Variants in SHISA9 observed in about 807,000 individuals in gnomAD.
The protein encoded by SHISA9 is protein shisa-9.
SHISA9 carries 13 observed loss-of-function variants against 38.0 expected under a neutral mutation model. The observed-to-expected ratio is 0.34, with a 90% CI of 0.22 to 0.54. SHISA9 has a LOEUF of 0.54. SHISA9 is among the 20% of genes least tolerant of loss of function. The pLI is 0.91. For missense variants in SHISA9, 538 were observed against 575.8 expected, an observed-to-expected ratio of 0.93 and a Z score of 0.67; for synonymous variants, 275 against 242.0, an observed-to-expected ratio of 1.14 and a Z score of -1.27.
At chr16:13,427,582 G>A in the SHISA9 span, among the ~76,000 whole-genome samples, 3 of 152,126 alleles carry the variant, frequency 2.0e-5, no homozygotes, top group East Asian at 5.8e-4. Flanking sequence ...AAGACAGGAA[G>A]GACATTCCAG....
the SHISA9 span, among the ~76,000 whole-genome samples, chr16:13,330,406 A>G: frequency 6.6e-6 from 1 of 152,238 alleles, no homozygotes; most frequent in Non-Finnish European, 1.5e-5. Flanking sequence ...AAAAATAGGT[A>G]CTATAAAAGG....
the SHISA9 span, among the ~76,000 whole-genome samples, chr16:13,469,316 GAGAGAGAA>G: frequency 3.5e-4 from 19 of 53,694 alleles, 1 homozygote; most frequent in African/African-American, 1.6e-3. Flanking sequence ...GAGAGAGAGA[GAGAGAGAA>G]AGAAAGAAAG....
chr16:13,525,434 T>C, the SHISA9 span, among the ~76,000 whole-genome samples: 1 of 152,134 alleles, frequency 6.6e-6, no homozygotes, highest in Non-Finnish European at 1.5e-5. Flanking sequence ...ACTGGATGAG[T>C]TATTTAAAAT....
chr16:13,152,279 T>A (rs958078785), intron 2 of SHISA9, among the ~76,000 whole-genome samples: 3 of 152,152 alleles, frequency 2.0e-5, no homozygotes, highest in Non-Finnish European at 4.4e-5. Flanking sequence ...TCCATACAAG[T>A]CAGGAGAGGT....
At chr16:13,020,541 G>A (rs918022658) in intron 2 of SHISA9, among the ~76,000 whole-genome samples, 6 of 152,046 alleles carry the variant, frequency 3.9e-5, no homozygotes, top group African/African-American at 9.7e-5. Context: ...TATTGGATTC[G>A]TACCTCATTT....
chr16:13,415,116 C>T, the SHISA9 span, among the ~76,000 whole-genome samples: 2 of 152,182 alleles, frequency 1.3e-5, no homozygotes, highest in African/African-American at 4.8e-5. Flanking sequence ...CGATTTACAC[C>T]TCCACTTGTT....
At position 13,238,317 on chromosome 16, in the gene SHISA9, C is replaced by T. The variant is rs778803127; in HGVS notation, c.*2908C>T. Reference sequence around the variant, plus strand: ...GCTGTAGCTATGTACTGCCTATGATCATTGTGCATACACTAGGGGTGCATA... The same window carrying T: ...GCTGTAGCTATGTACTGCCTATGATTATTGTGCATACACTAGGGGTGCATA... On this transcript the variant is annotated 3_prime_UTR_variant, in exon 5 of 5. Transcript: ENST00000558583. 6.6e-6 allele frequency: 1 copy of T among 152,200 alleles called. No individual in the cohort carries two copies. The highest frequency in any genetic ancestry group is 2.1e-4 in the South Asian group (1 of 4,830). 9.4% of individuals were successfully genotyped at this position (152,200 alleles called of 1,614,324 possible). A position where few individuals can be genotyped will look rare whatever the true frequency, so the allele number is the denominator to read the frequency against.
At chr16:13,227,192 G>T (rs1471447898) in intron 4 of SHISA9, among the ~76,000 whole-genome samples, 1 of 152,184 alleles carries the variant, frequency 6.6e-6, no homozygotes, top group East Asian at 1.9e-4. Context: ...CCAGCATATG[G>T]TGGGTACCTG....
intron 3 of SHISA9, among the ~76,000 whole-genome samples, chr16:13,212,162 C>G (rs1217280832): frequency 6.6e-6 from 1 of 152,142 alleles, no homozygotes; most frequent in Non-Finnish European, 1.5e-5. Flanking sequence ...GTTCCCTGCG[C>G]CTTCACTCAG....
At chr16:13,383,950 C>T in the SHISA9 span, among the ~76,000 whole-genome samples, 50 of 152,180 alleles carry the variant, frequency 3.3e-4, no homozygotes, top group African/African-American at 9.2e-4. Flanking sequence ...CCACCGTGCC[C>T]GGCCAACACC....
the SHISA9 span, among the ~76,000 whole-genome samples, chr16:13,559,181 G>C: frequency 2.6e-5 from 4 of 152,158 alleles, no homozygotes; most frequent in East Asian, 7.7e-4. Flanking sequence ...ACCAGACACA[G>C]TATCGAGTTT....
At chr16:13,356,510 C>T in the SHISA9 span, among the ~76,000 whole-genome samples, 10 of 151,960 alleles carry the variant, frequency 6.6e-5, no homozygotes, top group East Asian at 1.9e-4. Context: ...AGTCACGGAA[C>T]GAAACGGTAA....
chr16:13,398,114 CT>C, the SHISA9 span, among the ~76,000 whole-genome samples: 1 of 152,168 alleles, frequency 6.6e-6, no homozygotes, highest in Admixed American at 6.5e-5. Context: ...AGTCCAGCCG[CT>C]TGTGTCTCTG....
At chr16:13,490,281 G>A in the SHISA9 span, among the ~76,000 whole-genome samples, 1 of 152,148 alleles carries the variant, frequency 6.6e-6, no homozygotes, top group Non-Finnish European at 1.5e-5. Context: ...GGGAAATGAG[G>A]GCCGGGCACA....
chr16:13,424,304 T>A, the SHISA9 span, among the ~76,000 whole-genome samples: 12 of 152,254 alleles, frequency 7.9e-5, no homozygotes, highest in African/African-American at 2.7e-4. Context: ...AAAGTGCTCC[T>A]GAATGTAATG....
chr16:13,438,662 T>A, the SHISA9 span, among the ~76,000 whole-genome samples: 1 of 152,306 alleles, frequency 6.6e-6, no homozygotes, highest in African/African-American at 2.4e-5. Flanking sequence ...GGGAAAATAA[T>A]CATTTCATTA....
chr16:13,263,251 A>G, the SHISA9 span, among the ~76,000 whole-genome samples: 2 of 152,146 alleles, frequency 1.3e-5, no homozygotes, highest in Non-Finnish European at 2.9e-5. Flanking sequence ...ATACCTCCCA[A>G]TAACTCTATT....
At position 12,910,632 on chromosome 16, in the gene SHISA9, A is replaced by G. The variant is rs558770904; in HGVS notation, c.564-6056A>G. On this transcript the variant is annotated intron_variant, in intron 1 of 4. Transcript: ENST00000558583. ...TGGCAACATAATTATGTTTCAACAT[A>G]ATTGTTGTTTTAAACAAACAATTTT... 1.0e-4 allele frequency: 99 copies of G among 985,446 alleles called. No homozygotes were observed. In the African/African-American group the frequency reaches 1.7e-3, roughly 16 times the overall value. The allele number at this position is 985,446 out of a possible 1,614,324, so 61.0% of individuals were successfully genotyped here. A position where few individuals can be genotyped will look rare whatever the true frequency, so the allele number is the denominator to read the frequency against.
At chr16:13,440,940 A>G in the SHISA9 span, among the ~76,000 whole-genome samples, 1 of 151,920 alleles carries the variant, frequency 6.6e-6, no homozygotes, top group Admixed American at 6.6e-5. Context: ...AAAAAAAAAA[A>G]GTCATTGATA....
Sources: gnomAD v4.1 joint callset for allele counts (sites outside exome capture counted in the v4.1 genomes callset) on GRCh38, gnomAD v4.1.1 for gene constraint, MANE v1.5 for transcripts, NCBI Gene and HGNC (gene_info 2026-07-23, HGNC 2026-07-21) for gene names.